SEMA6D: variants seen among roughly 807,000 people sequenced by gnomAD.
SEMA6D encodes the protein semaphorin-6D.
SEMA6D carries 35 observed loss-of-function variants against 106.6 expected under a neutral mutation model. The observed-to-expected ratio is 0.33, with a 90% CI of 0.25 to 0.44. The LOEUF (loss-of-function observed/expected upper bound fraction) is 0.44, where lower values mean the gene tolerates loss of function less well. Ranked by LOEUF, SEMA6D falls within the 20% of genes least tolerant of loss-of-function variation. The pLI is 1.00. For synonymous variants in SEMA6D, 499 were observed against 487.7 expected, an observed-to-expected ratio of 1.02 and a Z score of -0.31; for missense variants, 1,185 against 1,345.9, an observed-to-expected ratio of 0.88 and a Z score of 1.87.
Position 47,416,312 on chromosome 15 carries a change from C to G in SEMA6D, c.-159+3840C>G, listed in dbSNP as rs1214856596. Among the ~76,000 whole-genome samples, 8 of 152,134 alleles carry G rather than the reference C, an allele frequency of 5.3e-5. No homozygotes were observed. In the East Asian group the frequency reaches 1.5e-3, roughly 29 times the overall value. The stretch of plus-strand genomic sequence containing the variant: ...GAACAAAAGTAACTAATAGTTCCTT[C>G]AAGCCTGGGTATGGTCTGTTTTGTC... On this transcript the variant is annotated intron_variant, in intron 2 of 19. Coordinates refer to the SEMA6D transcript ENST00000558014.
chr15:47,266,545 G>T (rs1184422854), intron 1 of SEMA6D, among the ~76,000 whole-genome samples: 1 of 152,066 alleles, frequency 6.6e-6, no homozygotes, highest in Non-Finnish European at 1.5e-5. Context: ...CGTAATGAGG[G>T]CAGTTGGGGC....
At chr15:47,305,666 A>C (rs1294293479) in intron 1 of SEMA6D, among the ~76,000 whole-genome samples, 1 of 152,228 alleles carries the variant, frequency 6.6e-6, no homozygotes, top group African/African-American at 2.4e-5. Context: ...GCACATGTTA[A>C]TGAAGAATGT....
chr15:47,748,400 C>A, intron 1 of SEMA6D, among the ~76,000 whole-genome samples: 1 of 152,212 alleles, frequency 6.6e-6, no homozygotes, highest in Non-Finnish European at 1.5e-5. Flanking sequence ...TGTGCCTGAT[C>A]CTGGCAGTAA....
In SEMA6D at chr15:47,212,931, CAT is replaced by C. The variant is rs201051852; in HGVS notation, c.-239+28515_-239+28516del. Among the ~76,000 whole-genome samples, 643 of 152,296 alleles carry C rather than the reference CAT, an allele frequency of 4.2e-3. 5 individuals are homozygous for C. Among genetic ancestry groups the C allele is most frequent in the African/African-American group, 0.015 (619 of 41,568 alleles). On this transcript the variant is annotated intron_variant, in intron 1 of 19. Coordinates refer to the SEMA6D transcript ENST00000558014. ...GTAACAGAGTGCCTGGCAGATAACA[CAT>C]AGTCAGGAAATCGTATTTTTCTACT...
intron 1 of SEMA6D, among the ~76,000 whole-genome samples, chr15:47,377,901 T>G (rs16959354): frequency 0.026 from 3,951 of 152,278 alleles, 74 homozygotes; most frequent in South Asian, 0.092. Flanking sequence ...GATACCTATT[T>G]GTTTTCTGAG....
At chr15:47,757,522 C>G (rs2081820830) in intron 1 of SEMA6D, among the ~76,000 whole-genome samples, 1 of 152,184 alleles carries the variant, frequency 6.6e-6, no homozygotes, top group African/African-American at 2.4e-5. Context: ...ACGAAACCAT[C>G]TTGTCAGCAC....
At chr15:47,730,053 T>G in intron 1 of SEMA6D, 1 of 649,522 alleles carries the variant, frequency 1.5e-6, no homozygotes, top group Non-Finnish European at 2.6e-6. Flanking sequence ...TATCTTCCCA[T>G]TTTATTTTAG....
At chr15:47,444,879 G>T (rs1485226475) in intron 2 of SEMA6D, among the ~76,000 whole-genome samples, 1 of 152,068 alleles carries the variant, frequency 6.6e-6, no homozygotes, top group Non-Finnish European at 1.5e-5. Context: ...TGTCCTCTTG[G>T]TACCCAGGTC....
At chr15:47,393,576 A>G (rs2040110387) in intron 1 of SEMA6D, 2 of 152,194 alleles carry the variant, frequency 1.3e-5, no homozygotes, top group South Asian at 4.1e-4. Context: ...GAAGACCCCA[A>G]GTGTGACTTC....
chr15:47,275,194 A>G (rs980078237), intron 1 of SEMA6D: 4 of 152,188 alleles, frequency 2.6e-5, no homozygotes, highest in Non-Finnish European at 5.9e-5. Context: ...GATTGCCTGC[A>G]TTTTCTGTGA....
At chr15:47,292,284 AAAAG>A (rs2035621324) in intron 1 of SEMA6D, among the ~76,000 whole-genome samples, 1 of 152,316 alleles carries the variant, frequency 6.6e-6, no homozygotes, top group African/African-American at 2.4e-5. Context: ...GATGCAGAAA[AAAAG>A]AAACCTGTAA....
intron 18 of SEMA6D, among the ~76,000 whole-genome samples, chr15:47,769,735 A>C (rs559908427): frequency 6.6e-6 from 1 of 152,250 alleles, no homozygotes; most frequent in African/African-American, 2.4e-5. Context: ...GGTTGCATTA[A>C]AAGGTTAAGT....
intron 4 of SEMA6D, among the ~76,000 whole-genome samples, chr15:47,650,970 C>T (rs146567703): frequency 1.3e-5 from 2 of 152,306 alleles, no homozygotes; most frequent in East Asian, 3.9e-4. Context: ...TACTGATTGC[C>T]AGTGAGGGTG....
intron 1 of SEMA6D, among the ~76,000 whole-genome samples, chr15:47,746,268 C>G (rs1392346908): frequency 6.6e-6 from 1 of 152,192 alleles, no homozygotes; most frequent in Admixed American, 6.5e-5. Flanking sequence ...AGGCACTTTG[C>G]AGAATATCAA....
intron 3 of SEMA6D, among the ~76,000 whole-genome samples, chr15:47,472,850 T>C (rs1334864269): frequency 6.6e-6 from 1 of 152,202 alleles, no homozygotes; most frequent in Non-Finnish European, 1.5e-5. Context: ...GAATCACTTT[T>C]TTTGGGTTGA....
chr15:47,308,172 C>G (rs1197772079), intron 1 of SEMA6D, among the ~76,000 whole-genome samples: 1 of 152,086 alleles, frequency 6.6e-6, no homozygotes, highest in African/African-American at 2.4e-5. Flanking sequence ...AGTGGCCCAA[C>G]TGTAGCCTTT....
intron 1 of SEMA6D, among the ~76,000 whole-genome samples, chr15:47,302,371 G>A (rs1160587062): frequency 1.3e-5 from 2 of 152,080 alleles, no homozygotes; most frequent in Non-Finnish European, 2.9e-5. Context: ...ATACAATTTA[G>A]ATCAGATCCT....
At chr15:47,638,238 A>G (rs1196757807) in intron 4 of SEMA6D, among the ~76,000 whole-genome samples, 1 of 152,186 alleles carries the variant, frequency 6.6e-6, no homozygotes, top group African/African-American at 2.4e-5. Flanking sequence ...TTTGTTCTAC[A>G]ATATTCCCTG....
intron 1 of SEMA6D, among the ~76,000 whole-genome samples, chr15:47,233,985 C>T (rs1020297085): frequency 6.6e-6 from 1 of 151,990 alleles, no homozygotes; most frequent in African/African-American, 2.4e-5. Flanking sequence ...GACATTCTTG[C>T]TGTGTCCCTG....
Sources: allele counts gnomAD v4.1 joint callset (sites outside exome capture counted in the v4.1 genomes callset), GRCh38; gene constraint gnomAD v4.1.1; transcripts MANE v1.5; gene names NCBI Gene and HGNC (gene_info 2026-07-23, HGNC 2026-07-21).